The following SLC30A5 variants were observed in gnomAD, a reference collection of about 807,000 sequenced individuals.
The protein encoded by SLC30A5 is solute carrier family 30 member 5, also known as proton-coupled zinc antiporter SLC30A5.
SLC30A5 carries 33 observed loss-of-function variants against 79.6 expected under a neutral mutation model. That is an observed-to-expected ratio of 0.41 (90% CI 0.31 to 0.55). The LOEUF is 0.55. Ranked by LOEUF, SLC30A5 falls within the 20% of genes least tolerant of loss-of-function variation. The pLI, the probability that SLC30A5 is intolerant of heterozygous loss-of-function variation, is 0.20. For synonymous variants in SLC30A5, 299 were observed against 319.7 expected (o/e 0.94, Z 0.69); for missense variants, 788 against 928.1 (o/e 0.85, Z 1.96).
intron 4 of SLC30A5, among the ~76,000 whole-genome samples, chr5:69,105,391 G>A (rs1267384864): frequency 6.6e-6 from 1 of 152,198 alleles, no homozygotes; most frequent in Non-Finnish European, 1.5e-5. Context: ...CTTGCCGTGA[G>A]AATGAGAGGT....
chr5:69,127,356 C>T (rs1014827669), intron 14 of SLC30A5, among the ~76,000 whole-genome samples: 5 of 151,466 alleles, frequency 3.3e-5, no homozygotes, highest in African/African-American at 7.3e-5. Context: ...CAGCTGGGCA[C>T]GGTGGTCCAC....
chr5:69,118,295 A>G (rs1337276487), intron 11 of SLC30A5: 5 of 149,830 alleles, frequency 3.3e-5, no homozygotes, highest in Non-Finnish European at 5.5e-5. Flanking sequence ...TTCATATATA[A>G]CGTGTATATA....
intron 8 of SLC30A5, 114 bp from the exon 9 acceptor site, chr5:69,115,812 T>A: frequency 1.2e-6 from 1 of 859,308 alleles, no homozygotes; most frequent in South Asian, 1.8e-5. Flanking sequence ...TGGCATATTA[T>A]GAATCATATT....
In SLC30A5 at chr5:69,121,703, G is replaced by A. The variant is rs903060656; in HGVS notation, c.1579G>A (p.Val527Ile). The stretch of plus-strand genomic sequence containing the variant: ...TTCTCCCTTTTGCTAGCCAGTCTCA[G>A]TTGGAGGGCTGATAGTAAACCTTAT... ...LDTHMLTPVS[V>I]GGLIVNLIGI... The change falls in exon 13 of 16, where the codon GTT becomes ATT. Residue 527 changes from valine (V) to isoleucine (I), a missense_variant. By Grantham distance (29) the Val-to-Ile change is conservative. This residue lies in a region of SLC30A5 where 626 missense variants were observed against 755.5 expected (regional missense o/e 0.83). Transcript: ENST00000396591. The A allele has an allele frequency of 5.0e-6, 8 of 1,608,460 alleles. No homozygotes were observed. The highest frequency in any genetic ancestry group is 5.9e-6 in the Non-Finnish European group (7 of 1,177,098).
chr5:69,101,840 C>G (rs912783427), intron 2 of SLC30A5, among the ~76,000 whole-genome samples: 1 of 150,524 alleles, frequency 6.6e-6, no homozygotes, highest in African/African-American at 2.4e-5. Flanking sequence ...GCCTGTAATC[C>G]CAGCTACAAG....
intron 1 of SLC30A5, among the ~76,000 whole-genome samples, chr5:69,097,317 G>T (rs551831126): frequency 6.6e-6 from 1 of 151,928 alleles, no homozygotes; most frequent in Non-Finnish European, 1.5e-5. Context: ...GGGTTTCACC[G>T]TGTTAGCCAG....
Position 69,100,930 on chromosome 5 carries a change from G to A in SLC30A5, c.206+1G>A. ...AGTTCATTTTTATATTAAAACTTGG[G>A]TGAGTGTGGGGGGGGGTTTTTTCTT... is the stretch of plus-strand genomic sequence containing the variant. On this transcript the variant is annotated splice_donor_variant, in intron 2 of 15. Transcript: ENST00000396591. LOFTEE classifies it high-confidence loss of function. 1 of 1,499,232 alleles carries A rather than the reference G, an allele frequency of 6.7e-7. No homozygotes were observed. The highest frequency in any genetic ancestry group is 9.1e-7 in the Non-Finnish European group (1 of 1,099,652). The allele number at this position is 1,499,232 out of a possible 1,614,324, so 92.9% of individuals were successfully genotyped here. A position where few individuals can be genotyped will look rare whatever the true frequency, so the allele number is the denominator to read the frequency against.
chr5:69,128,381 C>A (rs752539892), intron 15 of SLC30A5, among the ~76,000 whole-genome samples: 21 of 151,196 alleles, frequency 1.4e-4, no homozygotes, highest in Non-Finnish European at 2.2e-4. Context: ...CCTCCCAAGT[C>A]GCTGGGATTA....
chr5:69,117,257 T>G lies in SLC30A5; in HGVS notation c.1300T>G (p.Leu434Val). The G allele has an allele frequency of 1.9e-6, 3 of 1,612,284 alleles. No homozygotes were observed. Among genetic ancestry groups the G allele is most frequent in the Non-Finnish European group, 2.5e-6 (3 of 1,178,934 alleles). The change falls in exon 11 of 16, where the codon TTA becomes GTA. Residue 434 changes from leucine (L) to valine (V), a missense_variant. Leu to Val is a conservative substitution (Grantham distance 32). This residue lies in a region of SLC30A5 where 626 missense variants were observed against 755.5 expected (regional missense o/e 0.83). Coordinates refer to ENST00000396591, the MANE Select transcript of SLC30A5 (RefSeq NM_022902.5). ...CLNLLFTFVE[L>V]FYGVLTNSLG... ...TTTTTAGCTTTTTACCTTTGTGGAATTATTCTATGGCGTGCTGACCAATAG... is the reference window on the plus strand; with the variant it reads ...TTTTTAGCTTTTTACCTTTGTGGAAGTATTCTATGGCGTGCTGACCAATAG...
chr5:69,128,864 T>A (rs1746774754), intron 15 of SLC30A5, among the ~76,000 whole-genome samples: 1 of 152,234 alleles, frequency 6.6e-6, no homozygotes, highest in African/African-American at 2.4e-5. Flanking sequence ...AAACAATGGC[T>A]GTTTTCCTTT....
chr5:69,119,353 C>T (rs543679858), intron 12 of SLC30A5, among the ~76,000 whole-genome samples: 1 of 151,976 alleles, frequency 6.6e-6, no homozygotes, highest in Non-Finnish European at 1.5e-5. Context: ...CTTTTAATCC[C>T]CCTCTTCTCT....
rs183336574 is a variant in SLC30A5 at position 69,115,330 on chromosome 5, C to T, written c.706C>T (p.Arg236Cys). Residue 236 changes from arginine (R) to cysteine (C), a missense_variant, in exon 8 of 16, where the codon CGT becomes TGT. By Grantham distance (180) the Arg-to-Cys change is radical (BLOSUM62 -3). Around this residue, in one of 3 missense-constraint regions of SLC30A5, gnomAD observed 626 missense variants for 755.5 expected, o/e 0.83. Coordinates refer to ENST00000396591, the MANE Select transcript of SLC30A5 (RefSeq NM_022902.5). ...CTCTGTCGACGTTGGTGGAGCTAAA[C>T]GTCTTCAAGCTTTATCTCATCTTGT... ...KLSVDVGGAKRLQALSHLVSV... is the reference protein window; with the variant it reads ...KLSVDVGGAKCLQALSHLVSV... 15 of 1,613,898 alleles carry T rather than the reference C, an allele frequency of 9.3e-6. No individual in the cohort carries two copies. The highest frequency in any genetic ancestry group is 1.1e-5 in the Non-Finnish European group (13 of 1,179,948).
chr5:69,114,521 G>A (rs1403027680), intron 7 of SLC30A5, 25 bp downstream of exon 7: 6 of 1,371,516 alleles, frequency 4.4e-6, no homozygotes, highest in Non-Finnish European at 6.2e-6. Flanking sequence ...TTCCTAACAG[G>A]ATCAAAAGAT....
chr5:69,115,880 A>G (rs755399665), intron 8 of SLC30A5, 46 bp from the exon 9 acceptor site: 1 of 1,454,582 alleles, frequency 6.9e-7, no homozygotes, highest in South Asian at 1.3e-5. Flanking sequence ...TAAGATGTGA[A>G]CTTTATACAT....
At chr5:69,097,730 G>A (rs1700877866) in intron 1 of SLC30A5, among the ~76,000 whole-genome samples, 2 of 152,088 alleles carry the variant, frequency 1.3e-5, no homozygotes, top group Admixed American at 6.6e-5. Flanking sequence ...GTAGAGATGA[G>A]GTCTTGCTAT....
chr5:69,127,540 AG>A (rs1265471614), intron 14 of SLC30A5, among the ~76,000 whole-genome samples: 5 of 151,414 alleles, frequency 3.3e-5, no homozygotes, highest in Non-Finnish European at 5.9e-5. Context: ...GCTACTTGGG[AG>A]GCTGAGGCAG....
intron 4 of SLC30A5, among the ~76,000 whole-genome samples, chr5:69,107,542 C>G (rs1746114109): frequency 6.6e-6 from 1 of 152,004 alleles, no homozygotes. Flanking sequence ...ATTGTATGTA[C>G]TGTATTATAT....
At chr5:69,094,411 C>T in intron 1 of SLC30A5, 73 bp downstream of exon 1, 2 of 1,236,356 alleles carry the variant, frequency 1.6e-6, no homozygotes, top group Non-Finnish European at 2.0e-6. Flanking sequence ...TCCCTCCGGT[C>T]TCCGCTGACA....
At chr5:69,099,702 G>A (rs1745854678) in intron 1 of SLC30A5, among the ~76,000 whole-genome samples, 1 of 152,166 alleles carries the variant, frequency 6.6e-6, no homozygotes, top group Admixed American at 6.6e-5. Context: ...AGGCCAAGGA[G>A]GCGCAAACCA....
Sources: allele counts gnomAD v4.1 joint callset (sites outside exome capture counted in the v4.1 genomes callset), GRCh38; gene constraint gnomAD v4.1.1; regional missense constraint gnomAD v4.1.1; transcripts MANE v1.5; gene names NCBI Gene and HGNC (gene_info 2026-07-23, HGNC 2026-07-21).